Variants in FNDC3B observed in about 807,000 individuals in gnomAD.
FNDC3B encodes the protein fibronectin type III domain-containing protein 3B.
Under a neutral mutation model 151.5 loss-of-function variants are expected in FNDC3B, and 12 were observed. That is an observed-to-expected ratio of 0.08 (90% CI 0.05 to 0.13). FNDC3B has a LOEUF of 0.13. Among genes scored for constraint, FNDC3B ranks in the 10% least tolerant of loss-of-function variants. The pLI is 1.00. For missense variants in FNDC3B, 1,214 were observed against 1,505.3 expected, an observed-to-expected ratio of 0.81 and a Z score of 3.20; for synonymous variants, 528 against 549.0, an observed-to-expected ratio of 0.96 and a Z score of 0.54.
chr3:172,193,509 T>C (rs1045768519), intron 3 of FNDC3B, among the ~76,000 whole-genome samples: 1 of 150,886 alleles, frequency 6.6e-6, no homozygotes, highest in Non-Finnish European at 1.5e-5. Context: ...GGTGTGTAGC[T>C]CCTAATTCAT....
intron 25 of FNDC3B, among the ~76,000 whole-genome samples, chr3:172,394,106 T>TAAAA (rs60559371): frequency 0.022 from 373 of 16,650 alleles, 70 homozygotes; most frequent in Middle Eastern, 0.071. Flanking sequence ...AGACTCCTTC[T>TAAAA]AAAAAAAAAA....
intron 3 of FNDC3B, among the ~76,000 whole-genome samples, chr3:172,166,649 G>A (rs1451145636): frequency 2.0e-5 from 3 of 152,174 alleles, no homozygotes; most frequent in Non-Finnish European, 4.4e-5. Context: ...CAGCTACTCA[G>A]GAGGCTAAGG....
rs546050998 is a variant in FNDC3B, at chr3:172,284,163, C to T, written c.791-1763C>T. Among the ~76,000 whole-genome samples, 11 of 152,198 alleles carry T rather than the reference C, an allele frequency of 7.2e-5. No individual in the cohort carries two copies. In the South Asian group the frequency reaches 1.5e-3, roughly 20 times the overall value. On this transcript the variant is annotated intron_variant, in intron 6 of 25. Transcript: ENST00000415807. ...CATGTAGGGCCTGTGCTGGGTGCTG[C>T]GGGTAAATGGTGATTTTGTCCTAGG...
At chr3:172,211,780 A>G (rs982975464) in intron 3 of FNDC3B, among the ~76,000 whole-genome samples, 2 of 152,248 alleles carry the variant, frequency 1.3e-5, no homozygotes, top group African/African-American at 4.8e-5. Context: ...GCATTTTGAG[A>G]TAGTAAACTC....
intron 25 of FNDC3B, among the ~76,000 whole-genome samples, chr3:172,394,947 G>A (rs556002275): frequency 7.9e-5 from 12 of 152,058 alleles, no homozygotes; most frequent in Non-Finnish European, 1.2e-4. Context: ...TACCCAAATC[G>A]ACAAATGTGA....
At chr3:172,373,142 G>A (rs1160018091) in intron 23 of FNDC3B, among the ~76,000 whole-genome samples, 1 of 152,178 alleles carries the variant, frequency 6.6e-6, no homozygotes, top group Non-Finnish European at 1.5e-5. Flanking sequence ...TATTTCCTGA[G>A]CCCCACTCGC....
intron 10 of FNDC3B, 150 bp downstream of exon 10, chr3:172,307,651 G>A (rs188467714): frequency 9.0e-5 from 61 of 679,618 alleles, no homozygotes; most frequent in Non-Finnish European, 1.3e-4. Flanking sequence ...CCATGATCAC[G>A]CCACTGCACT....
chr3:172,207,716 G>A (rs1725505770), intron 3 of FNDC3B, among the ~76,000 whole-genome samples: 3 of 152,186 alleles, frequency 2.0e-5, no homozygotes, highest in Admixed American at 2.0e-4. Flanking sequence ...GGGAGGCCTA[G>A]GTGGGTGGAT....
At chr3:172,135,840 C>T (rs1038110624) in intron 3 of FNDC3B, among the ~76,000 whole-genome samples, 1 of 152,164 alleles carries the variant, frequency 6.6e-6, no homozygotes, top group African/African-American at 2.4e-5. Context: ...AGTATGAGTT[C>T]GTGAATACTT....
chr3:172,377,286 A>G (rs1024869229), intron 23 of FNDC3B, among the ~76,000 whole-genome samples: 6 of 152,336 alleles, frequency 3.9e-5, no homozygotes, highest in South Asian at 4.1e-4. Context: ...TTGTGGTTGG[A>G]TTAACTTATG....
chr3:172,066,285 C>T (rs1717493243), intron 1 of FNDC3B, among the ~76,000 whole-genome samples: 1 of 152,144 alleles, frequency 6.6e-6, no homozygotes. Flanking sequence ...ATACTAACAC[C>T]AAGTTTTGCC....
chr3:172,378,721 C>G lies in FNDC3B; in HGVS notation c.3175+285C>G, dbSNP rs983850657. On this transcript the variant is annotated intron_variant, in intron 24 of 25. Coordinates refer to ENST00000415807, the MANE Select transcript of FNDC3B (RefSeq NM_022763.4). ...TGCTGCAACCCTTAAGACAGTTTAC[C>G]AAGGAAGGCGTCAGACTCCCCTTTC... 2.0e-5 allele frequency among the ~76,000 whole-genome samples: 3 copies of G among 152,004 alleles called. No homozygotes were observed. The East Asian group carries it at 5.8e-4, about 29-fold the overall frequency.
chr3:172,052,880 A>T (rs546727910), intron 1 of FNDC3B, among the ~76,000 whole-genome samples: 1 of 152,288 alleles, frequency 6.6e-6, no homozygotes, highest in East Asian at 1.9e-4. Context: ...GGCAAAATTG[A>T]AGGTTTTAAT....
chr3:172,249,480 C>A (rs1488215374), intron 5 of FNDC3B, among the ~76,000 whole-genome samples: 1 of 152,114 alleles, frequency 6.6e-6, no homozygotes, highest in South Asian at 2.1e-4. Flanking sequence ...AGCAGTAAAA[C>A]AAAATCCCTT....
In FNDC3B at chr3:172,146,393, TA is replaced by T. The variant is rs200561448; in HGVS notation, c.187+12856del. ...TGCACATCAGAATTACCTGGGAACT[TA>T]AAAAAAAAGTTTAAAAGTTGATATG... On this transcript the variant is annotated intron_variant, in intron 3 of 25. Transcript: ENST00000415807. Among the ~76,000 whole-genome samples the T allele has an allele frequency of 9.7e-4, 147 of 151,512 alleles. 2 individuals carry two copies. Among genetic ancestry groups the T allele is most frequent in the African/African-American group, 3.5e-3 (145 of 41,294 alleles).
chr3:172,385,964 C>T (rs1301188298), intron 25 of FNDC3B, among the ~76,000 whole-genome samples: 5 of 152,234 alleles, frequency 3.3e-5, no homozygotes, highest in Non-Finnish European at 5.9e-5. Flanking sequence ...CTAGGTGATT[C>T]GCTTTCTGTT....
chr3:172,287,944 C>G (rs1035310193), intron 7 of FNDC3B, among the ~76,000 whole-genome samples: 1 of 152,156 alleles, frequency 6.6e-6, no homozygotes, highest in Non-Finnish European at 1.5e-5. Flanking sequence ...ACAAGCATTG[C>G]TTGGCTACAG....
chr3:172,164,633 CA>C (rs781353132), intron 3 of FNDC3B, among the ~76,000 whole-genome samples: 144 of 152,112 alleles, frequency 9.5e-4, no homozygotes, highest in Non-Finnish European at 4.3e-4. Flanking sequence ...GGGGTGAAAG[CA>C]GAATTTTATT....
intron 11 of FNDC3B, among the ~76,000 whole-genome samples, chr3:172,328,175 A>G (rs1732456606): frequency 6.6e-6 from 1 of 152,228 alleles, no homozygotes; most frequent in Non-Finnish European, 1.5e-5. Flanking sequence ...AAGGCTAGGA[A>G]GGCATTCAAA....
Sources: allele counts gnomAD v4.1 joint callset (sites outside exome capture counted in the v4.1 genomes callset), GRCh38; gene constraint gnomAD v4.1.1; transcripts MANE v1.5; gene names NCBI Gene and HGNC (gene_info 2026-07-23, HGNC 2026-07-21).